ATF2: variants seen among roughly 807,000 people sequenced by gnomAD.
ATF2 encodes cyclic AMP-dependent transcription factor ATF-2.
ATF2 carries 24 observed loss-of-function variants against 60.6 expected under a neutral mutation model. That is an observed-to-expected ratio of 0.40 (90% CI 0.29 to 0.56). ATF2 has a LOEUF of 0.56. Among genes scored for constraint, ATF2 ranks in the 20% least tolerant of loss-of-function variants. The pLI is 0.54. For missense variants in ATF2, 433 were observed against 607.7 expected, an observed-to-expected ratio of 0.71 and a Z score of 3.02; for synonymous variants, 206 against 215.4, an observed-to-expected ratio of 0.96 and a Z score of 0.38.
intron 9 of ATF2, among the ~76,000 whole-genome samples, chr2:175,113,635 T>G (rs1455177682): frequency 1.3e-5 from 2 of 152,138 alleles, no homozygotes; most frequent in Non-Finnish European, 2.9e-5. Context: ...TGTGTCTTTA[T>G]AAACAATTTC....
At position 175,104,705 on chromosome 2, in the gene ATF2, T is replaced by C. The variant is rs187906381; in HGVS notation, c.828+6863A>G. On this transcript the variant is annotated intron_variant, in intron 10 of 13. Transcript: ENST00000264110. ...AGTTGGGATGACAGAATTGTTTATA[T>C]GGTGAGTCTTCTTAAGCCCACTGAA... 1.6e-3 allele frequency among the ~76,000 whole-genome samples: 242 copies of C among 152,344 alleles called. 2 individuals carry two copies. The highest frequency in any genetic ancestry group is 5.6e-3 in the African/African-American group (232 of 41,584).
rs1699288140 is a variant in ATF2, at chr2:175,151,147, C to G, written c.-131G>C. 1 of 152,418 alleles carries G rather than the reference C, an allele frequency of 6.6e-6. No homozygotes were observed. Among genetic ancestry groups the G allele is most frequent in the South Asian group, 2.1e-4 (1 of 4,824 alleles). The allele number at this position is 152,418 out of a possible 1,614,324, so 9.4% of individuals were successfully genotyped here. On this transcript the variant is annotated 5_prime_UTR_variant, in exon 2 of 14. Transcript: ENST00000264110. ...CAATAAGCAGTCCTTTCTCAAGTTT[C>G]CATCTAGTACCCTTAGGGAAAAAGA...
intron 1 of ATF2, among the ~76,000 whole-genome samples, chr2:175,155,811 A>T (rs1699634652): frequency 6.6e-6 from 1 of 152,226 alleles, no homozygotes; most frequent in African/African-American, 2.4e-5. Context: ...GACAGCATCA[A>T]ATCACTATGA....
chr2:175,112,595 T>C (rs1309689506), intron 9 of ATF2, among the ~76,000 whole-genome samples: 4 of 152,244 alleles, frequency 2.6e-5, no homozygotes, highest in African/African-American at 9.6e-5. Flanking sequence ...TTATTTTTTA[T>C]TATTTTTGAG....
intron 12 of ATF2, among the ~76,000 whole-genome samples, chr2:175,088,314 T>C (rs952419713): frequency 6.6e-6 from 1 of 152,092 alleles, no homozygotes; most frequent in African/African-American, 2.4e-5. Context: ...ATCAAAAAGG[T>C]ATTATAATGT....
chr2:175,108,477 C>A (rs1409100937), intron 10 of ATF2, among the ~76,000 whole-genome samples: 11 of 148,968 alleles, frequency 7.4e-5, no homozygotes, highest in Admixed American at 7.3e-4. Flanking sequence ...GGTCAGCCCC[C>A]GCCCGGCCAG....
At chr2:175,108,435 G>A (rs557723025) in intron 10 of ATF2, among the ~76,000 whole-genome samples, 5 of 147,284 alleles carry the variant, frequency 3.4e-5, no homozygotes, top group East Asian at 4.1e-4. Context: ...GCCCCCGCCC[G>A]GCCAGCAGCC....
At chr2:175,134,324 A>G (rs942882014) in intron 3 of ATF2, among the ~76,000 whole-genome samples, 2 of 152,152 alleles carry the variant, frequency 1.3e-5, no homozygotes, top group African/African-American at 4.8e-5. Flanking sequence ...AGCATCCTCA[A>G]ATTTTGGTAT....
At chr2:175,133,985 C>T (rs1406043527) in intron 3 of ATF2, among the ~76,000 whole-genome samples, 5 of 151,976 alleles carry the variant, frequency 3.3e-5, no homozygotes, top group Non-Finnish European at 1.5e-5. Flanking sequence ...TTCCAGGAAA[C>T]CTTACAGAAG....
At chr2:175,109,331 T>C (rs1696008563) in intron 10 of ATF2, among the ~76,000 whole-genome samples, 1 of 152,118 alleles carries the variant, frequency 6.6e-6, no homozygotes, top group African/African-American at 2.4e-5. Context: ...AAGCAAACTG[T>C]GATCACTCAA....
intron 9 of ATF2, 103 bp downstream of exon 9, chr2:175,113,891 T>G: frequency 1.0e-6 from 1 of 957,486 alleles, no homozygotes; most frequent in Non-Finnish European, 1.7e-6. Flanking sequence ...CTAATCAATA[T>G]TATGTTAAAT....
rs186237076 is a variant in ATF2, at chr2:175,104,470, G to C, written c.829-6877C>G. Among the ~76,000 whole-genome samples, 325 of 152,196 alleles carry C rather than the reference G, an allele frequency of 2.1e-3. 1 individual carries two copies. Among genetic ancestry groups the C allele is most frequent in the African/African-American group, 7.6e-3 (314 of 41,536 alleles). On this transcript the variant is annotated intron_variant, in intron 10 of 13. Transcript: ENST00000264110. ...AAGTTTTAAGGTGGTGGCAGGGTGG[G>C]GGGGGCGGTGCGCAAACAGGTGAAG... is the stretch of plus-strand genomic sequence containing the variant.
At chr2:175,137,970 C>T (rs1698251127) in intron 2 of ATF2, among the ~76,000 whole-genome samples, 1 of 152,166 alleles carries the variant, frequency 6.6e-6, no homozygotes. Flanking sequence ...TAAATCCAGG[C>T]TTATCTCCTT....
At chr2:175,157,125 C>A (rs1214122598) in intron 1 of ATF2, among the ~76,000 whole-genome samples, 1 of 152,176 alleles carries the variant, frequency 6.6e-6, no homozygotes. Context: ...GCACTCAAAT[C>A]AATGGCAAAA....
At chr2:175,110,667 C>T (rs537568330) in intron 10 of ATF2, among the ~76,000 whole-genome samples, 3 of 152,144 alleles carry the variant, frequency 2.0e-5, no homozygotes, top group South Asian at 2.1e-4. Context: ...TGCAATAGTG[C>T]GATGCTGGCT....
At chr2:175,142,367 C>T (rs370654501) in intron 2 of ATF2, among the ~76,000 whole-genome samples, 4 of 151,942 alleles carry the variant, frequency 2.6e-5, no homozygotes, top group African/African-American at 9.7e-5. Flanking sequence ...TGGGGTTTCA[C>T]CATGTTGGCC....
At chr2:175,124,508 A>G (rs1221240970) in intron 4 of ATF2, among the ~76,000 whole-genome samples, 1 of 151,952 alleles carries the variant, frequency 6.6e-6, no homozygotes, top group Non-Finnish European at 1.5e-5. Flanking sequence ...ACATACACTC[A>G]TATCCATGAT....
intron 1 of ATF2, among the ~76,000 whole-genome samples, chr2:175,161,272 C>T (rs1299296316): frequency 1.3e-5 from 2 of 152,190 alleles, no homozygotes; most frequent in African/African-American, 2.4e-5. Flanking sequence ...GCCAAAGCTA[C>T]CAAGTAGATG....
chr2:175,162,896 G>A (rs893675496), intron 1 of ATF2, among the ~76,000 whole-genome samples: 41 of 152,224 alleles, frequency 2.7e-4, no homozygotes, highest in East Asian at 9.6e-4. Context: ...CACTTTGGGA[G>A]GCCGAGGTGG....
Sources: allele counts gnomAD v4.1 joint callset (sites outside exome capture counted in the v4.1 genomes callset), GRCh38; gene constraint gnomAD v4.1.1; transcripts MANE v1.5; gene names NCBI Gene and HGNC (gene_info 2026-07-23, HGNC 2026-07-21).